Variants in ROBO2 observed in about 807,000 individuals in gnomAD.
ROBO2 encodes roundabout guidance receptor 2.
A neutral mutation model predicts 160.8 loss-of-function variants in ROBO2; 53 were observed. That is an observed-to-expected ratio of 0.33 (90% CI 0.26 to 0.41). ROBO2 has a LOEUF of 0.41. Among genes scored for constraint, ROBO2 ranks in the 10% least tolerant of loss-of-function variants. ROBO2 has a pLI of 1.00. For synonymous variants in ROBO2, 664 were observed against 611.7 expected, an observed-to-expected ratio of 1.09 and a Z score of -1.26; for missense variants, 1,577 against 1,722.4, an observed-to-expected ratio of 0.92 and a Z score of 1.49.
chr3:76,743,995 G>A (rs1360272180), intron 2 of ROBO2, among the ~76,000 whole-genome samples: 1 of 152,002 alleles, frequency 6.6e-6, no homozygotes, highest in African/African-American at 2.4e-5. Context: ...GAAATGGAAA[G>A]GAAATTTATT....
chr3:76,321,847 G>T (rs574595808), intron 2 of ROBO2, among the ~76,000 whole-genome samples: 13 of 152,182 alleles, frequency 8.5e-5, no homozygotes, highest in East Asian at 1.9e-4. Flanking sequence ...TTCTGTGTGC[G>T]TTACCTGGGT....
intron 2 of ROBO2, among the ~76,000 whole-genome samples, chr3:76,914,283 C>T (rs2076177874): frequency 6.6e-6 from 1 of 152,042 alleles, no homozygotes; most frequent in Admixed American, 6.6e-5. Flanking sequence ...CATAGATTTC[C>T]CTGCTAAGTG....
chr3:75,940,589 A>T (rs1392046803), intron 2 of ROBO2, among the ~76,000 whole-genome samples: 1 of 152,138 alleles, frequency 6.6e-6, no homozygotes, highest in African/African-American at 2.4e-5. Flanking sequence ...AAAGTGTTTA[A>T]CATCTGATAA....
chr3:76,438,359 T>C (rs72900522), intron 2 of ROBO2, among the ~76,000 whole-genome samples: 3,299 of 151,946 alleles, frequency 0.022, 131 homozygotes, highest in African/African-American at 0.075. Flanking sequence ...TCAGTTTATA[T>C]GTAACCTAAC....
intron 2 of ROBO2, among the ~76,000 whole-genome samples, chr3:76,226,351 A>ATG (rs1247417771): frequency 1.3e-5 from 2 of 151,968 alleles, no homozygotes; most frequent in Non-Finnish European, 2.9e-5. Flanking sequence ...GTGTCCTGAG[A>ATG]TGTGTGTGTG....
intron 1 of ROBO2, among the ~76,000 whole-genome samples, chr3:77,078,416 A>T (rs756946456): frequency 6.6e-6 from 1 of 152,140 alleles, no homozygotes; most frequent in Non-Finnish European, 1.5e-5. Flanking sequence ...TCACCATTTT[A>T]CACCAAGGTT....
At chr3:77,381,282 C>T (rs1041004236) in intron 2 of ROBO2, among the ~76,000 whole-genome samples, 1 of 151,996 alleles carries the variant, frequency 6.6e-6, no homozygotes, top group African/African-American at 2.4e-5. Context: ...GCCACTGCAC[C>T]CCAGCCTGGG....
At chr3:76,056,908 T>TAAAAC (rs141101701) in intron 2 of ROBO2, among the ~76,000 whole-genome samples, 11 of 152,264 alleles carry the variant, frequency 7.2e-5, no homozygotes, top group African/African-American at 2.4e-4. Flanking sequence ...AATCCCTCAT[T>TAAAAC]AAAACAAAAC....
At chr3:77,539,100 A>G (rs1270954350) in intron 6 of ROBO2, among the ~76,000 whole-genome samples, 4 of 152,030 alleles carry the variant, frequency 2.6e-5, no homozygotes, top group Non-Finnish European at 5.9e-5. Flanking sequence ...TTTGTATTTT[A>G]GTGGAGACGA....
chr3:77,163,086 T>C (rs1262904492), intron 2 of ROBO2, among the ~76,000 whole-genome samples: 2 of 152,134 alleles, frequency 1.3e-5, no homozygotes. Context: ...TCCGCCTGCC[T>C]CTTCCTCCCA....
intron 2 of ROBO2, among the ~76,000 whole-genome samples, chr3:76,725,587 T>C (rs2093538286): frequency 6.6e-6 from 1 of 152,200 alleles, no homozygotes; most frequent in East Asian, 1.9e-4. Context: ...AAAGTTTCAT[T>C]TCATACATGT....
In ROBO2 at chr3:77,353,660, A is replaced by T. The variant is rs573446030; in HGVS notation, c.389-123754A>T. ...CGAGTAGCTGGGACTATAGGCATGC[A>T]CCACCATGCCCGGCTAATTTTTGTA... On this transcript the variant is annotated intron_variant, in intron 2 of 25. Transcript: ENST00000461745. Among the ~76,000 whole-genome samples, 202 of 151,942 alleles carry T rather than the reference A, an allele frequency of 1.3e-3. 1 individual carries two copies. Among genetic ancestry groups the T allele is most frequent in the African/African-American group, 4.8e-3 (198 of 41,440 alleles).
intron 2 of ROBO2, among the ~76,000 whole-genome samples, chr3:77,176,972 C>A (rs911477065): frequency 6.6e-6 from 1 of 151,770 alleles, no homozygotes; most frequent in East Asian, 1.9e-4. Flanking sequence ...TCAAATTTTT[C>A]TTTAAAGAAT....
chr3:76,980,763 A>G (rs1384370334), intron 2 of ROBO2, among the ~76,000 whole-genome samples: 1 of 152,072 alleles, frequency 6.6e-6, no homozygotes, highest in Non-Finnish European at 1.5e-5. Flanking sequence ...TTTTTATTAT[A>G]TTTGCTATGC....
At chr3:76,704,048 A>T (rs1443156608) in intron 2 of ROBO2, among the ~76,000 whole-genome samples, 1 of 150,882 alleles carries the variant, frequency 6.6e-6, no homozygotes, top group Non-Finnish European at 1.5e-5. Flanking sequence ...ATGTCTTTGT[A>T]CATCATTATA....
chr3:76,916,109 G>A (rs1351454762), intron 2 of ROBO2, among the ~76,000 whole-genome samples: 1 of 152,124 alleles, frequency 6.6e-6, no homozygotes, highest in African/African-American at 2.4e-5. Flanking sequence ...CTGGGGGGAC[G>A]CAGTCCAAAT....
At chr3:76,447,490 C>A (rs71626804) in intron 2 of ROBO2, among the ~76,000 whole-genome samples, 5 of 144,008 alleles carry the variant, frequency 3.5e-5, no homozygotes, top group Non-Finnish European at 6.0e-5. Context: ...GTGGCGATTC[C>A]TCAGGGATCT....
chr3:77,220,553 A>G (rs967090134), intron 2 of ROBO2, among the ~76,000 whole-genome samples: 1 of 152,128 alleles, frequency 6.6e-6, no homozygotes, highest in Non-Finnish European at 1.5e-5. Flanking sequence ...ATATAGTTCA[A>G]TTAGATTCCT....
At position 77,617,500 on chromosome 3, in the gene ROBO2, C is replaced by T; in HGVS notation, c.3294-13C>T. The stretch of plus-strand genomic sequence containing the variant: ...TTTGTGTCAATGTGCATATTTTTCT[C>T]ATTTAATTTCAGCTATGACAGTGAT... On this transcript the variant is annotated splice_polypyrimidine_tract_variant and intron_variant, in intron 21 of 25. Coordinates refer to ENST00000461745, the Ensembl canonical transcript of ROBO2. 1 of 1,614,016 alleles carries T rather than the reference C, an allele frequency of 6.2e-7. No homozygotes were observed. The highest frequency in any genetic ancestry group is 8.5e-7 in the Non-Finnish European group (1 of 1,179,956).
Sources: gnomAD v4.1 joint callset for allele counts (sites outside exome capture counted in the v4.1 genomes callset) on GRCh38, gnomAD v4.1.1 for gene constraint, MANE v1.5 for transcripts, NCBI Gene and HGNC (gene_info 2026-07-23, HGNC 2026-07-21) for gene names.